TBC1D9: variants seen among roughly 807,000 people sequenced by gnomAD.
TBC1D9 encodes TBC1 domain family member 9, also known as TBC1 domain family member 9A.
In TBC1D9, 63 loss-of-function variants were observed where a neutral mutation model predicts 132.0. The observed-to-expected ratio is 0.48, with a 90% confidence interval of 0.39 to 0.59. TBC1D9 has a LOEUF of 0.59. Among genes scored for constraint, TBC1D9 ranks in the 20% least tolerant of loss-of-function variants. TBC1D9 has a pLI of 0.00. For missense variants in TBC1D9, 1,261 were observed against 1,592.7 expected (o/e 0.79, Z 3.54); for synonymous variants, 610 against 609.9 (o/e 1.00, Z 0.00).
intron 1 of TBC1D9, among the ~76,000 whole-genome samples, chr4:140,734,418 C>T (rs957838361): frequency 3.9e-5 from 6 of 152,178 alleles, no homozygotes; most frequent in African/African-American, 1.4e-4. Flanking sequence ...GCACGAGCCA[C>T]CACACCCAGC....
intron 15 of TBC1D9, 115 bp from the exon 16 acceptor site, chr4:140,634,303 GCAGGGCTGTGGCCT>G: frequency 1.4e-6 from 2 of 1,446,212 alleles, no homozygotes; most frequent in Non-Finnish European, 1.8e-6. Flanking sequence ...ATCCCCTGGG[GCAGGGCTGTGGCCT>G]CAGGGCCCCC....
intron 1 of TBC1D9, among the ~76,000 whole-genome samples, chr4:140,729,690 T>G (rs1254540936): frequency 6.6e-6 from 1 of 151,902 alleles, no homozygotes; most frequent in East Asian, 1.9e-4. Flanking sequence ...CCTGGTGGCA[T>G]GCGCCTGTAG....
intron 20 of TBC1D9, among the ~76,000 whole-genome samples, chr4:140,623,901 G>A (rs1005934267): frequency 6.6e-6 from 1 of 152,152 alleles, no homozygotes; most frequent in East Asian, 1.9e-4. Context: ...GGAATATGTT[G>A]TGGTTCACAT....
chr4:140,700,278 C>T (rs955736660), intron 2 of TBC1D9, among the ~76,000 whole-genome samples: 17 of 151,724 alleles, frequency 1.1e-4, no homozygotes, highest in African/African-American at 3.4e-4. Flanking sequence ...GGTGAAACCT[C>T]GTCTCTACTA....
intron 13 of TBC1D9, chr4:140,643,595 G>T: frequency 1.1e-6 from 1 of 910,764 alleles, no homozygotes; most frequent in Non-Finnish European, 1.6e-6. Context: ...CCTGGGCCAG[G>T]CCTTCCTCCG....
chr4:140,632,485 G>T (rs1017275373), intron 16 of TBC1D9, among the ~76,000 whole-genome samples: 1 of 152,150 alleles, frequency 6.6e-6, no homozygotes, highest in African/African-American at 2.4e-5. Flanking sequence ...TCAGTACAGA[G>T]TAGTGAGAAA....
At chr4:140,664,039 CCA>C (rs1560877854) in intron 9 of TBC1D9, among the ~76,000 whole-genome samples, 4 of 81,246 alleles carry the variant, frequency 4.9e-5, no homozygotes, top group Admixed American at 1.2e-4. Flanking sequence ...ACTCTCCCCA[CCA>C]AAAAAAAAAA....
At chr4:140,625,133 A>G (rs1244897039) in intron 18 of TBC1D9, among the ~76,000 whole-genome samples, 1 of 152,050 alleles carries the variant, frequency 6.6e-6, no homozygotes, top group East Asian at 1.9e-4. Context: ...ATGAATGTTG[A>G]TTTCTCTCCT....
chr4:140,673,229 C>A (rs1014416943), intron 6 of TBC1D9, among the ~76,000 whole-genome samples: 1 of 151,886 alleles, frequency 6.6e-6, no homozygotes, highest in African/African-American at 2.4e-5. Flanking sequence ...TCTATAGCAA[C>A]ATGATCCTGG....
In TBC1D9 at chr4:140,668,913, G is replaced by A. The variant is rs572798537; in HGVS notation, c.1588+4C>T. On this transcript the variant is annotated splice_donor_region_variant and intron_variant, in intron 9 of 20. Coordinates refer to ENST00000442267, the MANE Select transcript of TBC1D9 (RefSeq NM_015130.3). ...CGCCAGCATTCCCAGCCCAGCGGCC[G>A]TACCTGACAGCAGCAGCCAGAGCTC... 53 of 1,613,382 alleles carry A rather than the reference G, an allele frequency of 3.3e-5. No homozygotes were observed. In the Admixed American group the frequency reaches 7.3e-4, roughly 22 times the overall value.
At chr4:140,641,769 T>TA (rs1402184713) in intron 13 of TBC1D9, 4 of 223,152 alleles carry the variant, frequency 1.8e-5, no homozygotes, top group Non-Finnish European at 3.6e-5. Context: ...AAAGCAAAAA[T>TA]AAAAATAATT....
At chr4:140,714,195 A>C (rs1738294446) in intron 1 of TBC1D9, among the ~76,000 whole-genome samples, 1 of 152,226 alleles carries the variant, frequency 6.6e-6, no homozygotes, top group Non-Finnish European at 1.5e-5. Context: ...AAAAAGAGTC[A>C]AGCTCTGTAA....
chr4:140,641,483 T>G (rs1449628938), intron 13 of TBC1D9, among the ~76,000 whole-genome samples: 3 of 152,168 alleles, frequency 2.0e-5, no homozygotes, highest in South Asian at 2.1e-4. Context: ...AAAATCGCAG[T>G]ACAAACATCA....
intron 2 of TBC1D9, among the ~76,000 whole-genome samples, chr4:140,695,051 C>T (rs902817725): frequency 1.3e-5 from 2 of 152,136 alleles, no homozygotes; most frequent in Non-Finnish European, 2.9e-5. Context: ...CTAAATTACC[C>T]AACATTTTCT....
At chr4:140,721,909 C>T (rs1006014475) in intron 1 of TBC1D9, among the ~76,000 whole-genome samples, 7 of 152,122 alleles carry the variant, frequency 4.6e-5, no homozygotes, top group African/African-American at 1.7e-4. Flanking sequence ...CTGCTCATCT[C>T]GGCCTAGACC....
chr4:140,725,688 T>G (rs72949547), intron 1 of TBC1D9, among the ~76,000 whole-genome samples: 8,524 of 152,154 alleles, frequency 0.056, 819 homozygotes, highest in African/African-American at 0.19. Flanking sequence ...TTTGGCCTCT[T>G]GAGCCTGGTG....
At chr4:140,699,971 G>C (rs66817750) in intron 2 of TBC1D9, among the ~76,000 whole-genome samples, 6,593 of 152,116 alleles carry the variant, frequency 0.043, 172 homozygotes, top group Middle Eastern at 0.1. Flanking sequence ...CTTTTCTTAT[G>C]GTTATTTTAA....
At chr4:140,720,730 C>T (rs1445192971) in intron 1 of TBC1D9, among the ~76,000 whole-genome samples, 1 of 152,230 alleles carries the variant, frequency 6.6e-6, no homozygotes, top group Admixed American at 6.5e-5. Context: ...GGAAAGGCTC[C>T]TTAATGCACC....
chr4:140,635,138 G>C (rs1736858022), intron 15 of TBC1D9, among the ~76,000 whole-genome samples: 1 of 151,968 alleles, frequency 6.6e-6, no homozygotes, highest in Admixed American at 6.6e-5. Context: ...ATATTGTATT[G>C]TCTGAATATT....
Sources: gnomAD v4.1 joint callset for allele counts (sites outside exome capture counted in the v4.1 genomes callset) on GRCh38, gnomAD v4.1.1 for gene constraint, MANE v1.5 for transcripts, NCBI Gene and HGNC (gene_info 2026-07-23, HGNC 2026-07-21) for gene names.